The following FOXP2 variants were observed in gnomAD, a reference collection of about 807,000 sequenced individuals.
The protein encoded by FOXP2 is forkhead box protein P2.
FOXP2 carries 12 observed loss-of-function variants against 115.8 expected under a neutral mutation model. The observed-to-expected ratio is 0.10, with a 90% CI of 0.07 to 0.17. The LOEUF (loss-of-function observed/expected upper bound fraction) is 0.17. Ranked by LOEUF, FOXP2 falls within the 10% of genes least tolerant of loss-of-function variation. FOXP2 has a pLI of 1.00. For synonymous variants in FOXP2, 328 were observed against 297.7 expected (o/e 1.10, Z -1.05); for missense variants, 629 against 843.5 (o/e 0.75, Z 3.15).
chr7:114,603,623 T>G (rs1803149901), intron 3 of FOXP2, among the ~76,000 whole-genome samples: 2 of 152,250 alleles, frequency 1.3e-5, no homozygotes, highest in African/African-American at 4.8e-5. Context: ...TTACATAAAC[T>G]AACAAGTTAG....
intron 1 of FOXP2, among the ~76,000 whole-genome samples, chr7:114,241,134 T>A (rs941768362): frequency 2.0e-5 from 3 of 152,062 alleles, no homozygotes; most frequent in Non-Finnish European, 4.4e-5. Flanking sequence ...TTTTGTAGAA[T>A]CCATTACCAC....
intron 3 of FOXP2, among the ~76,000 whole-genome samples, chr7:114,584,210 T>C (rs1443362128): frequency 6.6e-6 from 1 of 152,182 alleles, no homozygotes; most frequent in East Asian, 1.9e-4. Flanking sequence ...GGCATTTTTC[T>C]GATTTTTTTT....
chr7:114,329,015 C>T (rs1157782656), intron 2 of FOXP2, among the ~76,000 whole-genome samples: 2 of 152,108 alleles, frequency 1.3e-5, no homozygotes, highest in Admixed American at 1.3e-4. Context: ...AGGAACTATA[C>T]AGCAATAAAC....
At chr7:114,238,773 G>GAA (rs35232663) in intron 1 of FOXP2, among the ~76,000 whole-genome samples, 1 of 151,232 alleles carries the variant, frequency 6.6e-6, no homozygotes, top group Admixed American at 6.6e-5. Flanking sequence ...CTCTATCTGG[G>GAA]AAAAAAACCA....
chr7:114,203,521 T>C (rs985767456), intron 1 of FOXP2, among the ~76,000 whole-genome samples: 12 of 152,024 alleles, frequency 7.9e-5, no homozygotes, highest in African/African-American at 2.9e-4. Flanking sequence ...TTTTTTCTAT[T>C]TTTGTAGACA....
At chr7:114,260,367 A>G (rs912800629) in intron 1 of FOXP2, among the ~76,000 whole-genome samples, 3 of 152,162 alleles carry the variant, frequency 2.0e-5, no homozygotes, top group Admixed American at 6.6e-5. Context: ...GCAAATAGTA[A>G]AGTATGCCAA....
chr7:114,175,042 CAAAG>C (rs1392300324), intron 1 of FOXP2, among the ~76,000 whole-genome samples: 3 of 151,894 alleles, frequency 2.0e-5, no homozygotes, highest in African/African-American at 7.3e-5. Flanking sequence ...AGGGTTGTAA[CAAAG>C]AAGCAGAATG....
In FOXP2 at chr7:114,313,659, G is replaced by C. The variant is rs1797200578; in HGVS notation, c.-11+25550G>C. Among the ~76,000 whole-genome samples the C allele has an allele frequency of 3.1e-5, 2 of 63,932 alleles. 1 individual carries two copies. The highest frequency in any genetic ancestry group is 5.6e-5 in the Non-Finnish European group (2 of 35,716). 41.9% of individuals were successfully genotyped at this position (63,932 alleles called of 152,430 possible). ...ACTTGGGAGGCTGAGGCAGGAGAAT[G>C]GCGTGAACCCGGGAGGCGGAGCTTG... On this transcript the variant is annotated intron_variant, in intron 2 of 17. Transcript: ENST00000634411.
chr7:114,593,945 C>G (rs1342574668), intron 3 of FOXP2, among the ~76,000 whole-genome samples: 1 of 151,884 alleles, frequency 6.6e-6, no homozygotes, highest in Non-Finnish European at 1.5e-5. Context: ...AAGATCTTTA[C>G]CTAAGTTTAC....
At chr7:114,611,675 T>G (rs1045906108) in intron 3 of FOXP2, among the ~76,000 whole-genome samples, 4 of 152,304 alleles carry the variant, frequency 2.6e-5, no homozygotes, top group Admixed American at 2.6e-4. Flanking sequence ...TCCCATCCAA[T>G]TTTGACTGGC....
At chr7:114,223,830 AG>A (rs1246240951) in intron 1 of FOXP2, among the ~76,000 whole-genome samples, 1 of 151,644 alleles carries the variant, frequency 6.6e-6, no homozygotes, top group East Asian at 1.9e-4. Flanking sequence ...ATTTTAATTT[AG>A]TTTATCAATT....
intron 1 of FOXP2, among the ~76,000 whole-genome samples, chr7:114,240,035 T>C (rs1222697976): frequency 6.6e-6 from 1 of 152,104 alleles, no homozygotes; most frequent in Non-Finnish European, 1.5e-5. Context: ...TATGAGGAAA[T>C]TTGCAGCATT....
In FOXP2 at chr7:114,692,622, T is replaced by A. The variant is rs937433709; in HGVS notation, c.*2696T>A. On this transcript the variant is annotated 3_prime_UTR_variant, in exon 17 of 17. Coordinates refer to ENST00000350908, the MANE Select transcript of FOXP2 (RefSeq NM_014491.4). ...TTTCTGCATCTGCTTTGCGTAGCTA[T>A]TGTAAGGCTTTGAACTAATGTATGT... The A allele has an allele frequency of 2.2e-6, 1 of 450,286 alleles. No homozygotes were observed. The highest frequency in any genetic ancestry group is 4.4e-6 in the Non-Finnish European group (1 of 225,308). The allele number at this position is 450,286 out of a possible 1,614,324, so 27.9% of individuals were successfully genotyped here.
intron 2 of FOXP2, among the ~76,000 whole-genome samples, chr7:114,522,685 G>A (rs6980093): frequency 0.66 from 101,072 of 151,990 alleles, 34,756 homozygotes; most frequent in African/African-American, 0.84. Context: ...TGTAGTTACA[G>A]AATTATTAAG....
chr7:114,583,525 C>G (rs901668869), intron 3 of FOXP2, among the ~76,000 whole-genome samples: 2 of 152,168 alleles, frequency 1.3e-5, no homozygotes, highest in African/African-American at 4.8e-5. Flanking sequence ...AAAGCTAACC[C>G]CTAGGCCTTA....
At chr7:114,662,927 T>C (rs1333472408) in intron 14 of FOXP2, among the ~76,000 whole-genome samples, 4 of 152,164 alleles carry the variant, frequency 2.6e-5, no homozygotes, top group Non-Finnish European at 5.9e-5. Context: ...ATGTATTTTA[T>C]CTACTATTGG....
chr7:114,482,426 G>T (rs987179107), intron 2 of FOXP2, among the ~76,000 whole-genome samples: 1 of 151,474 alleles, frequency 6.6e-6, no homozygotes. Context: ...GGTAATTTGA[G>T]ATTTTTTAAA....
chr7:114,169,031 C>T (rs1289983644), intron 1 of FOXP2, among the ~76,000 whole-genome samples: 12 of 152,188 alleles, frequency 7.9e-5, no homozygotes, highest in Non-Finnish European at 1.6e-4. Context: ...TGTCAGAGGA[C>T]GTGTGGAAAT....
intron 2 of FOXP2, among the ~76,000 whole-genome samples, chr7:114,519,412 G>A (rs1356584214): frequency 4.6e-5 from 7 of 152,118 alleles, no homozygotes; most frequent in South Asian, 2.1e-4. Context: ...ATTGGACTCC[G>A]AAATTGAGTT....
Sources: gnomAD v4.1 joint callset for allele counts (sites outside exome capture counted in the v4.1 genomes callset) on GRCh38, gnomAD v4.1.1 for gene constraint, MANE v1.5 for transcripts, NCBI Gene and HGNC (gene_info 2026-07-23, HGNC 2026-07-21) for gene names.